The following RYR1 variants were observed in gnomAD, a reference collection of about 807,000 sequenced individuals.
The protein encoded by RYR1 is ryanodine receptor 1.
Under a neutral mutation model 583.5 loss-of-function variants are expected in RYR1, and 342 were observed. The observed-to-expected ratio is 0.59, with a 90% CI of 0.54 to 0.64. The LOEUF (loss-of-function observed/expected upper bound fraction) is 0.64. RYR1 is among the 30% of genes least tolerant of loss of function. RYR1 has a pLI of 0.00. For synonymous variants in RYR1, 2,791 were observed against 2,822.5 expected (o/e 0.99, Z 0.35); for missense variants, 6,032 against 6,917.2 (o/e 0.87, Z 4.54).
Position 38,444,174 on chromosome 19 carries a change from C to T in RYR1, c.450C>T (p.His150=), listed in dbSNP as rs747359133. 1.2e-6 allele frequency: 2 copies of T among 1,613,908 alleles called. No individual in the cohort carries two copies. Among genetic ancestry groups the T allele is most frequent in the South Asian group, 2.2e-5 (2 of 91,076 alleles). ...GAGAGGCTTGCTGGTGGACCATGCA[C>T]CCAGCCTCCAAGCAGAGGTCTGAAG... ...ATGEACWWTM[H]PASKQRSEGE... is the part of the protein sequence containing the mutation. Residue 150 remains histidine, a synonymous_variant, in exon 6 of 106, where the codon CAC becomes CAT. Transcript: ENST00000359596. The surrounding 1 kb of genome is among the most constrained non-coding windows in gnomAD (Gnocchi z 5.1).
chr19:38,490,424 A>G (rs961223036), intron 36 of RYR1, 148 bp downstream of exon 36: 5 of 911,740 alleles, frequency 5.5e-6, no homozygotes, highest in African/African-American at 3.3e-5. Context: ...CTCTGAATCA[A>G]CCTGACCTCT....
In RYR1 at chr19:38,519,383, C is replaced by T. The variant is rs2229145; in HGVS notation, c.10188C>T (p.Asp3396=). 67,483 of 1,605,854 alleles carry T rather than the reference C, an allele frequency of 0.042. 1,729 individuals are homozygous for T. Among genetic ancestry groups the T allele is most frequent in the Middle Eastern group, 0.068 (368 of 5,396 alleles). The change falls in exon 67 of 106, where the codon GAC becomes GAT. Residue 3396 remains aspartate (D), a synonymous_variant. Transcript: ENST00000359596. ...EAQEGELLVR[D]EFSVLCRDLY... is the part of the protein sequence containing the mutation. ...AGGAGGGCGAGCTGCTGGTGCGGGA[C>T]GAGTTCTCTGTGCTCTGCCGGGACC...
chr19:38,468,266 G>A (rs1008196388), intron 25 of RYR1, among the ~76,000 whole-genome samples: 1 of 146,974 alleles, frequency 6.8e-6, no homozygotes, highest in African/African-American at 2.6e-5. Flanking sequence ...AGCCAACCAT[G>A]CATCCATCCA....
chr19:38,535,140 G>GGA lies in RYR1; in HGVS notation c.11364_11365dup (p.Thr3789ArgfsTer10). The GGA allele has an allele frequency of 6.2e-7, 1 of 1,613,550 alleles. No individual in the cohort carries two copies. Among genetic ancestry groups the GGA allele is most frequent in the East Asian group, 2.2e-5 (1 of 44,886 alleles). ...CATCTTTTTTCTCCCACTCCCTCCA[G>GGA]GAGAGACAGGTGCCATGGTGTCCTC... On this transcript the variant is annotated frameshift_variant and splice_region_variant. Transcript: ENST00000359596. LOFTEE classifies it high-confidence loss of function.
chr19:38,474,030 G>A (rs1968582058), intron 28 of RYR1, among the ~76,000 whole-genome samples: 3 of 152,134 alleles, frequency 2.0e-5, no homozygotes, highest in African/African-American at 7.2e-5. Context: ...GTACCTGGAG[G>A]GCCCCAAAGG....
rs1423299301 is a variant in RYR1, at chr19:38,483,604, AC to A, written c.4934+92del. 1 of 1,196,480 alleles carries A rather than the reference AC, an allele frequency of 8.4e-7. No homozygotes were observed. The highest frequency in any genetic ancestry group is 1.5e-5 in the African/African-American group (1 of 66,336). 74.1% of individuals were successfully genotyped at this position (1,196,480 alleles called of 1,614,324 possible). The stretch of plus-strand genomic sequence containing the variant: ...CCACTCAGTGCCCCTCCTCAACACA[AC>A]CCCGGGATTCCAGACTACACCCCAG... On this transcript the variant is annotated intron_variant, in intron 33 of 105. Coordinates refer to ENST00000359596, the MANE Select transcript of RYR1 (RefSeq NM_000540.3). The surrounding 1 kb of genome is among the most constrained non-coding windows in gnomAD (Gnocchi z 6.3).
Position 38,512,590 on chromosome 19 carries a change from G to C in RYR1, c.9472+107G>C. 1 of 1,104,848 alleles carries C rather than the reference G, an allele frequency of 9.1e-7. No homozygotes were observed. The highest frequency in any genetic ancestry group is 1.5e-5 in the African/African-American group (1 of 65,486). 68.4% of individuals were successfully genotyped at this position (1,104,848 alleles called of 1,614,324 possible). On this transcript the variant is annotated intron_variant, in intron 63 of 105. Transcript: ENST00000359596. This position sits in a 1 kb window ranked among gnomAD's most constrained non-coding sequence, Gnocchi z 5.1. ...GGGTGTTTGAATGTGTGGATTTCTTGCTGTAAGCAAAGCATGCAGTCAGTA... is the reference window on the plus strand; with the variant it reads ...GGGTGTTTGAATGTGTGGATTTCTTCCTGTAAGCAAAGCATGCAGTCAGTA...
chr19:38,534,660 G>C, intron 78 of RYR1, 60 bp from the exon 79 acceptor site: 1 of 1,444,218 alleles, frequency 6.9e-7, no homozygotes, highest in Non-Finnish European at 9.6e-7. Context: ...GAGAATGTGA[G>C]GGGGAAAGGC....
In RYR1 at chr19:38,460,484, C is replaced by A. The variant is rs755824160; in HGVS notation, c.2470C>A (p.Pro824Thr). ...CCCTCGAGAGCGACTCCATCTTGAA[C>A]CCATCAAGGAGTATCGACGGGAGGG... The part of the protein sequence containing the change: ...VLPRERLHLE[P>T]IKEYRREGPR... The change falls in exon 20 of 106, where the codon CCC (proline) becomes ACC (threonine). Residue 824 changes from proline (P) to threonine (T), a missense_variant. By Grantham distance (38) the Pro-to-Thr change is conservative. This residue lies in a region of RYR1 where 2,627 missense variants were observed against 2,961.3 expected (regional missense o/e 0.89). Transcript: ENST00000359596. The A allele has an allele frequency of 6.2e-7, 1 of 1,614,228 alleles. No homozygotes were observed. The highest frequency in any genetic ancestry group is 8.5e-7 in the Non-Finnish European group (1 of 1,180,028).
rs766399591 is a variant in RYR1, at chr19:38,502,822, C to T, written c.7836-58C>T. 31 of 1,475,236 alleles carry T rather than the reference C, an allele frequency of 2.1e-5. 1 individual carries two copies. The East Asian group carries it at 3.2e-4, about 15-fold the overall frequency. The allele number at this position is 1,475,236 out of a possible 1,614,324, so 91.4% of individuals were successfully genotyped here. On this transcript the variant is annotated intron_variant, in intron 48 of 105. Coordinates refer to ENST00000359596, the MANE Select transcript of RYR1 (RefSeq NM_000540.3). ...GCAGGGGCAGGGGGAGGAGCAGGGG[C>T]AGGGGCAGCAGAGCGGGCCTGGACG...
At chr19:38,468,538 T>C (rs1350760493) in intron 25 of RYR1, among the ~76,000 whole-genome samples, 1 of 152,252 alleles carries the variant, frequency 6.6e-6, no homozygotes, top group Non-Finnish European at 1.5e-5. Context: ...TCCAGCCATG[T>C]ACCCAATTTC....
chr19:38,469,960 C>T (rs1042884171), intron 27 of RYR1, among the ~76,000 whole-genome samples: 2 of 151,952 alleles, frequency 1.3e-5, no homozygotes, highest in African/African-American at 4.8e-5. Flanking sequence ...GCCCTAGCTA[C>T]TCAGGAGGTT....
intron 35 of RYR1, 117 bp downstream of exon 35, chr19:38,489,560 T>A: frequency 8.8e-7 from 1 of 1,132,138 alleles, no homozygotes; most frequent in Non-Finnish European, 1.3e-6. Context: ...GAAATGCATA[T>A]GGCAGTGAGC....
At position 38,499,946 on chromosome 19, in the gene RYR1, T is replaced by C. The variant is rs767835450; in HGVS notation, c.7253T>C (p.Leu2418Pro). ...EEPPEENRVH[L>P]GHAIMSFYAA... ...CCGCCTGAAGAAAACCGGGTGCACC[T>C]GGGACACGCCATCATGTCCTTCTAT... Residue 2418 changes from leucine (L) to proline (P), a missense_variant, in exon 45 of 106, where the codon CTG becomes CCG. This residue lies in a region of RYR1 where 2,627 missense variants were observed against 2,961.3 expected (regional missense o/e 0.89). Coordinates refer to ENST00000359596, the MANE Select transcript of RYR1 (RefSeq NM_000540.3). This position sits in a 1 kb window ranked among gnomAD's most constrained non-coding sequence, Gnocchi z 7.3. 3.7e-6 allele frequency: 6 copies of C among 1,612,200 alleles called. No homozygotes were observed. The highest frequency in any genetic ancestry group is 5.1e-6 in the Non-Finnish European group (6 of 1,179,300).
intron 53 of RYR1, 23 bp from the exon 54 acceptor site, chr19:38,505,783 C>G (rs751426385): frequency 1.2e-6 from 2 of 1,613,958 alleles, no homozygotes; most frequent in South Asian, 2.2e-5. Flanking sequence ...TCCACCAACT[C>G]CCCACCCTCC....
rs2145637797 is a variant in RYR1 at position 38,506,774 on chromosome 19, T to A, written c.8693-55T>A. The A allele has an allele frequency of 5.6e-6, 9 of 1,613,152 alleles. No individual in the cohort carries two copies. In the South Asian group the frequency reaches 9.9e-5, roughly 18 times the overall value. On this transcript the variant is annotated intron_variant, in intron 56 of 105. Transcript: ENST00000359596. Reference sequence around the variant, plus strand: ...CCGGGCACTGCAGGAACCACTTCAGTGAGAGTGGCCCGGGTCTTCCCCAGA... The same window carrying A: ...CCGGGCACTGCAGGAACCACTTCAGAGAGAGTGGCCCGGGTCTTCCCCAGA...
rs1568557816 is a variant in RYR1 at position 38,543,520 on chromosome 19, C to T, written c.11779-12C>T. 2.5e-6 allele frequency: 4 copies of T among 1,614,200 alleles called. No homozygotes were observed. Among genetic ancestry groups the T allele is most frequent in the East Asian group, 4.5e-5 (2 of 44,880 alleles). On this transcript the variant is annotated splice_polypyrimidine_tract_variant and intron_variant, in intron 85 of 105. Coordinates refer to ENST00000359596, the MANE Select transcript of RYR1 (RefSeq NM_000540.3). This position sits in a 1 kb window ranked among gnomAD's most constrained non-coding sequence, Gnocchi z 4.4. The stretch of plus-strand genomic sequence containing the variant: ...CCCCAGCACCCCCTCACACCCTACC[C>T]GCCCCCACCAGGAATCCATCAGCGA...
intron 83 of RYR1, 90 bp from the exon 84 acceptor site, chr19:38,537,790 G>A (rs928194618): frequency 2.1e-5 from 25 of 1,166,240 alleles, no homozygotes; most frequent in Non-Finnish European, 2.7e-5. Flanking sequence ...TTGTGCATGC[G>A]TGTGCAGTGT....
intron 1 of RYR1, among the ~76,000 whole-genome samples, chr19:38,435,455 G>T (rs1399076974): frequency 1.3e-5 from 2 of 152,170 alleles, no homozygotes; most frequent in Non-Finnish European, 2.9e-5. Flanking sequence ...CTGGAGGCTG[G>T]GCTCAGTGGC....
Sources: gnomAD v4.1 joint callset for allele counts (sites outside exome capture counted in the v4.1 genomes callset) on GRCh38, gnomAD v4.1.1 for gene constraint, gnomAD v4.1.1 regional missense constraint, Gnocchi (gnomAD v3.1) non-coding constraint, MANE v1.5 for transcripts, NCBI Gene and HGNC (gene_info 2026-07-23, HGNC 2026-07-21) for gene names.